CRHR2: variants seen among roughly 807,000 people sequenced by gnomAD.
CRHR2 encodes corticotropin-releasing hormone receptor 2.
A neutral mutation model predicts 57.9 loss-of-function variants in CRHR2; 53 were observed. The observed-to-expected ratio is 0.92, with a 90% CI of 0.73 to 1.15. The LOEUF is 1.15. Ranked by LOEUF, CRHR2 falls within the 50% of genes most tolerant of loss-of-function variation. CRHR2 has a pLI of 0.00. For missense variants in CRHR2, 532 were observed against 542.6 expected, an observed-to-expected ratio of 0.98 and a Z score of 0.19; for synonymous variants, 213 against 220.9, an observed-to-expected ratio of 0.96 and a Z score of 0.32.
Position 30,665,269 on chromosome 7 carries a change from A to T in CRHR2, c.426-82T>A. On this transcript the variant is annotated intron_variant, in intron 4 of 11. Coordinates refer to ENST00000471646, the MANE Select transcript of CRHR2 (RefSeq NM_001883.5). This position sits in a 1 kb window ranked among gnomAD's most constrained non-coding sequence, Gnocchi z 4.5. ...TCCCCCTGAGGCCAGGTAGAGACTC[A>T]GCCTGGGATGAGGGCAGGGCTGCAC... 1 of 1,239,936 alleles carries T rather than the reference A, an allele frequency of 8.1e-7. No individual in the cohort carries two copies. Among genetic ancestry groups the T allele is most frequent in the Non-Finnish European group, 1.2e-6 (1 of 847,954 alleles). The allele number at this position is 1,239,936 out of a possible 1,614,324, so 76.8% of individuals were successfully genotyped here. A position where few individuals can be genotyped will look rare whatever the true frequency, so the allele number is the denominator to read the frequency against.
rs534992808 is a variant in CRHR2, at chr7:30,678,363, A to G, written c.229+3552T>C. Among the ~76,000 whole-genome samples, 16 of 152,298 alleles carry G rather than the reference A, an allele frequency of 1.1e-4. No homozygotes were observed. In the South Asian group the frequency reaches 2.9e-3, roughly 28 times the overall value. On this transcript the variant is annotated intron_variant, in intron 2 of 11. Transcript: ENST00000471646. The stretch of plus-strand genomic sequence containing the variant: ...CGATGGTGCAAGGATTAAATGAGTT[A>G]AACCACAGTACAAACATGTGGAAGC...
intron 11 of CRHR2, chr7:30,654,693 C>T (rs1168160375): frequency 6.5e-7 from 1 of 1,536,014 alleles, no homozygotes; most frequent in African/African-American, 1.4e-5. Flanking sequence ...TGAGTCCATA[C>T]AGACCTGATT....
chr7:30,662,770 G>A lies in CRHR2; in HGVS notation c.621C>T (p.Cys207=). The change falls in exon 6 of 12, where the codon TGC becomes TGT. Residue 207 remains cysteine (C), a synonymous_variant. Transcript: ENST00000471646. The stretch of plus-strand genomic sequence containing the variant: ...TCATGACAATGGCCGTGTGCAGGTA[G>A]CAGCCTTCCACAAACATCCAGAAGA... The part of the protein sequence containing the change: ...TNFFWMFVEG[C]YLHTAIVMTY... 6.2e-7 allele frequency: 1 copy of A among 1,614,234 alleles called. No individual in the cohort carries two copies. Among genetic ancestry groups the A allele is most frequent in the Non-Finnish European group, 8.5e-7 (1 of 1,180,044 alleles).
intron 1 of CRHR2, among the ~76,000 whole-genome samples, chr7:30,694,532 C>T (rs115624988): frequency 1.5e-3 from 233 of 152,300 alleles, no homozygotes; most frequent in African/African-American, 5.3e-3. Flanking sequence ...CTAAATTTAG[C>T]CCATGGTATA....
chr7:30,693,596 G>C (rs1239884803), intron 1 of CRHR2, among the ~76,000 whole-genome samples: 5 of 152,214 alleles, frequency 3.3e-5, no homozygotes, highest in Admixed American at 6.5e-5. Context: ...TTTGCAAAAT[G>C]TTATAGCACA....
At chr7:30,691,334 G>A (rs889901297) in intron 1 of CRHR2, among the ~76,000 whole-genome samples, 14 of 152,322 alleles carry the variant, frequency 9.2e-5, no homozygotes, top group East Asian at 3.9e-4. Flanking sequence ...TCCACGGTGC[G>A]CCCTTAGGCA....
intron 3 of CRHR2, among the ~76,000 whole-genome samples, chr7:30,666,807 C>T (rs1784198826): frequency 6.6e-6 from 1 of 152,216 alleles, no homozygotes; most frequent in Non-Finnish European, 1.5e-5. Flanking sequence ...CAGAGCAGGA[C>T]CCAGCTTCTC....
intron 6 of CRHR2, 152 bp from the exon 7 acceptor site, chr7:30,662,368 C>T: frequency 1.1e-6 from 1 of 884,634 alleles, no homozygotes. Context: ...TGTCCCTCAA[C>T]ACCTGGCCCA....
At chr7:30,681,589 G>A (rs891242909) in intron 2 of CRHR2, among the ~76,000 whole-genome samples, 3 of 152,226 alleles carry the variant, frequency 2.0e-5, no homozygotes, top group East Asian at 1.9e-4. Flanking sequence ...CCCTAATGGG[G>A]AACTTCAGGC....
At chr7:30,694,699 A>G (rs925910923) in intron 1 of CRHR2, among the ~76,000 whole-genome samples, 2 of 151,950 alleles carry the variant, frequency 1.3e-5, no homozygotes, top group Admixed American at 1.3e-4. Flanking sequence ...GTTTGCTTTC[A>G]TTCAGTGGAT....
intron 1 of CRHR2, among the ~76,000 whole-genome samples, chr7:30,694,911 GGGGTCAGAA>G (rs2128151858): frequency 6.9e-6 from 1 of 145,158 alleles, no homozygotes; most frequent in African/African-American, 2.6e-5. Flanking sequence ...GAGAGAAGAA[GGGGTCAGAA>G]AAGGGAGAGG....
chr7:30,670,593 G>A (rs1458437725), intron 2 of CRHR2, among the ~76,000 whole-genome samples: 1 of 152,258 alleles, frequency 6.6e-6, no homozygotes, highest in Admixed American at 6.5e-5. Flanking sequence ...AAGGACTGGA[G>A]GATAGATGTG....
At chr7:30,655,874 C>G in intron 9 of CRHR2, 53 bp downstream of exon 9, 2 of 1,601,810 alleles carry the variant, frequency 1.2e-6, no homozygotes, top group Non-Finnish European at 1.7e-6. Context: ...AGGGGGACGG[C>G]CCGATGACCT....
intron 1 of CRHR2, among the ~76,000 whole-genome samples, chr7:30,696,888 A>G (rs886191598): frequency 6.6e-6 from 1 of 152,170 alleles, no homozygotes; most frequent in African/African-American, 2.4e-5. Flanking sequence ...AAGTGCTGCA[A>G]ATTTGAGATT....
intron 1 of CRHR2, among the ~76,000 whole-genome samples, chr7:30,696,922 G>T (rs1259400335): frequency 2.0e-5 from 3 of 151,972 alleles, no homozygotes; most frequent in East Asian, 3.9e-4. Flanking sequence ...GAATTAAGTA[G>T]CCATTGCCCT....
intron 5 of CRHR2, 50 bp from the exon 6 acceptor site, chr7:30,662,897 G>A (rs1380963757): frequency 6.3e-7 from 1 of 1,591,818 alleles, no homozygotes; most frequent in Non-Finnish European, 8.6e-7. Flanking sequence ...GGCCCAGGTA[G>A]GACATACCCA....
At chr7:30,660,473 G>C in intron 8 of CRHR2, 100 bp downstream of exon 8, 2 of 1,239,130 alleles carry the variant, frequency 1.6e-6, no homozygotes, top group Non-Finnish European at 2.3e-6. Flanking sequence ...TGTGTGCGCA[G>C]GGCTGCCCAT....
At chr7:30,698,584 A>G (rs1785105695) in intron 1 of CRHR2, among the ~76,000 whole-genome samples, 1 of 152,218 alleles carries the variant, frequency 6.6e-6, no homozygotes, top group African/African-American at 2.4e-5. Flanking sequence ...TGCAGTCTGC[A>G]AAGTCACTCA....
At chr7:30,672,104 C>A (rs2085903688) in intron 2 of CRHR2, among the ~76,000 whole-genome samples, 1 of 152,238 alleles carries the variant, frequency 6.6e-6, no homozygotes. Flanking sequence ...TAAGAACCAG[C>A]CTTCCCACCC....
Sources: allele counts gnomAD v4.1 joint callset (sites outside exome capture counted in the v4.1 genomes callset), GRCh38; gene constraint gnomAD v4.1.1; non-coding constraint Gnocchi (gnomAD v3.1); transcripts MANE v1.5; gene names NCBI Gene and HGNC (gene_info 2026-07-23, HGNC 2026-07-21).